The following MED27 variants were observed in gnomAD, a reference collection of about 807,000 sequenced individuals.
MED27 encodes mediator complex subunit 27.
Under a neutral mutation model 38.2 loss-of-function variants are expected in MED27, and 30 were observed. The ratio of observed to expected loss-of-function variants is 0.79; its 90% confidence interval spans 0.59 to 1.07. The LOEUF is 1.07. Ranked by LOEUF, MED27 falls within the 50% of genes least tolerant of loss-of-function variation. The probability of loss-of-function intolerance (pLI) is 0.00; values close to 1 mark genes in which losing one functional copy is unlikely to be tolerated. For missense variants in MED27, 289 were observed against 397.5 expected (o/e 0.73, Z 2.32); for synonymous variants, 122 against 153.5 (o/e 0.79, Z 1.52).
chr9:131,915,168 G>A (rs1423579591), intron 4 of MED27, among the ~76,000 whole-genome samples: 8 of 152,288 alleles, frequency 5.3e-5, no homozygotes, highest in Admixed American at 4.6e-4. Context: ...TGAGCTCCCA[G>A]ACACGTCAAT....
intron 3 of MED27, among the ~76,000 whole-genome samples, chr9:131,993,359 C>G (rs560637782): frequency 1.1e-4 from 16 of 152,058 alleles, no homozygotes; most frequent in South Asian, 2.1e-4. Context: ...CTTAGCCATA[C>G]AGCAACAGTA....
At chr9:132,034,287 G>A (rs1315275945) in intron 2 of MED27, among the ~76,000 whole-genome samples, 4 of 152,160 alleles carry the variant, frequency 2.6e-5, no homozygotes, top group African/African-American at 9.7e-5. Flanking sequence ...AGGGAGCAAA[G>A]AAAGAGGAGT....
chr9:132,050,888 T>A lies in MED27; in HGVS notation c.348+26554A>T, dbSNP rs76033308. 5.6e-3 allele frequency among the ~76,000 whole-genome samples: 846 copies of A among 152,348 alleles called. 12 individuals are homozygous for A. Among genetic ancestry groups the A allele is most frequent in the African/African-American group, 0.019 (807 of 41,578 alleles). On this transcript the variant is annotated intron_variant, in intron 2 of 7. Transcript: ENST00000292035. ...AGGGTGAGGGCTGTGAGACCTTGAC[T>A]TTTTCATTACTACATTGTCAACATC...
At chr9:131,978,910 G>A (rs1448094924) in intron 3 of MED27, among the ~76,000 whole-genome samples, 1 of 152,160 alleles carries the variant, frequency 6.6e-6, no homozygotes, top group Non-Finnish European at 1.5e-5. Flanking sequence ...CTATAATATG[G>A]CTAGATCATC....
At chr9:131,979,834 G>GCTGGCTGGCTGA (rs1554763018) in intron 3 of MED27, among the ~76,000 whole-genome samples, 3 of 151,434 alleles carry the variant, frequency 2.0e-5, no homozygotes, top group South Asian at 2.1e-4. Flanking sequence ...AAACAAGATG[G>GCTGGCTGGCTGA]CTGGCTGGCT....
intron 2 of MED27, among the ~76,000 whole-genome samples, chr9:132,037,363 C>T (rs1026242428): frequency 7.9e-5 from 12 of 152,136 alleles, no homozygotes; most frequent in African/African-American, 2.4e-4. Flanking sequence ...CAGTAATAGT[C>T]GCATATGGTG....
Position 131,889,301 on chromosome 9 carries a change from C to T in MED27, c.681+4584G>A, listed in dbSNP as rs73551417. On this transcript the variant is annotated intron_variant, in intron 5 of 7. Transcript: ENST00000292035. The surrounding 1 kb of genome is among the most constrained non-coding windows in gnomAD (Gnocchi z 4.2). The stretch of plus-strand genomic sequence containing the variant: ...CTCTCTTATGCTCGGAGGCTAAAAG[C>T]TGCCTTTTTTATTGATATGGGGTAA... Among the ~76,000 whole-genome samples the T allele has an allele frequency of 3.0e-3, 461 of 152,290 alleles. 3 individuals are homozygous for T. Among genetic ancestry groups the T allele is most frequent in the African/African-American group, 0.011 (443 of 41,564 alleles).
chr9:131,948,473 A>G (rs1259087137), intron 3 of MED27, among the ~76,000 whole-genome samples: 1 of 149,478 alleles, frequency 6.7e-6, no homozygotes, highest in Non-Finnish European at 1.5e-5. Flanking sequence ...GGTGATAGAC[A>G]CTCCGTCTCA....
chr9:131,932,951 G>A (rs1278584433), intron 4 of MED27, among the ~76,000 whole-genome samples: 3 of 152,146 alleles, frequency 2.0e-5, no homozygotes, highest in Non-Finnish European at 1.5e-5. Context: ...GGGATGTAAA[G>A]ATGGTTCAAC....
chr9:131,953,918 A>G (rs979162071), intron 3 of MED27, among the ~76,000 whole-genome samples: 1 of 151,370 alleles, frequency 6.6e-6, no homozygotes, highest in African/African-American at 2.4e-5. Flanking sequence ...CCCGGGTTCA[A>G]GTGATTCTTG....
At chr9:132,061,921 G>GA (rs1462428391) in intron 2 of MED27, among the ~76,000 whole-genome samples, 3 of 152,144 alleles carry the variant, frequency 2.0e-5, no homozygotes, top group Non-Finnish European at 4.4e-5. Context: ...TTTTAAAAAA[G>GA]AAAAAAACAA....
chr9:131,872,649 A>G lies in MED27; in HGVS notation c.724-9509T>C, dbSNP rs1838858459. 6.6e-6 allele frequency among the ~76,000 whole-genome samples: 1 copy of G among 151,232 alleles called. No homozygotes were observed. On this transcript the variant is annotated intron_variant, in intron 6 of 7. Coordinates refer to ENST00000292035, the MANE Select transcript of MED27 (RefSeq NM_004269.4). The surrounding 1 kb of genome is among the most constrained non-coding windows in gnomAD (Gnocchi z 5.6). ...CTTCCCTGCTGGCCCTCGGTAGAAGAGCGTGGGGAGGCTGGGGTGGGGCTG... is the reference window on the plus strand; with the variant it reads ...CTTCCCTGCTGGCCCTCGGTAGAAGGGCGTGGGGAGGCTGGGGTGGGGCTG...
chr9:132,067,126 T>C lies in MED27; in HGVS notation c.348+10316A>G, dbSNP rs565320414. On this transcript the variant is annotated intron_variant, in intron 2 of 7. Coordinates refer to ENST00000292035, the MANE Select transcript of MED27 (RefSeq NM_004269.4). The stretch of plus-strand genomic sequence containing the variant: ...TTATTGCACACTTAGAAATCGTTAA[T>C]ACAAATAATTACCATTTATTAAATG... Among the ~76,000 whole-genome samples, 14 of 152,358 alleles carry C rather than the reference T, an allele frequency of 9.2e-5. No individual in the cohort carries two copies. The South Asian group carries it at 2.5e-3, about 27-fold the overall frequency.
intron 1 of MED27, among the ~76,000 whole-genome samples, chr9:132,079,271 C>T (rs773516890): frequency 3.3e-5 from 5 of 152,164 alleles, no homozygotes; most frequent in Non-Finnish European, 7.3e-5. Context: ...CAGGTCCTGT[C>T]TGTACTATTA....
At chr9:132,002,354 G>C (rs141996115) in intron 3 of MED27, among the ~76,000 whole-genome samples, 1 of 152,266 alleles carries the variant, frequency 6.6e-6, no homozygotes, top group African/African-American at 2.4e-5. Context: ...TATTTTAAAC[G>C]AGTACTCTCA....
chr9:132,054,321 C>T (rs533157270), intron 2 of MED27, among the ~76,000 whole-genome samples: 3 of 152,316 alleles, frequency 2.0e-5, no homozygotes, highest in East Asian at 1.9e-4. Flanking sequence ...CTTTGCTTTC[C>T]GCCATAAGTA....
In MED27 at chr9:131,863,111, G is replaced by A. The variant is rs148428046; in HGVS notation, c.753C>T (p.Leu251=). Residue 251 remains leucine, a synonymous_variant, in exon 7 of 8, where the codon CTC becomes CTT. Transcript: ENST00000292035. ...CCGGCATCTGGGGCAGCTGATAGTGGAGCAGGGCAGTGGTGGCATGGTCTG... is the reference window on the plus strand; with the variant it reads ...CCGGCATCTGGGGCAGCTGATAGTGAAGCAGGGCAGTGGTGGCATGGTCTG... ...KVTDHATTAL[L]HYQLPQMPDV... 520 of 1,614,180 alleles carry A rather than the reference G, an allele frequency of 3.2e-4. 4 individuals are homozygous for A. The African/African-American group carries it at 6.1e-3, about 19-fold the overall frequency.
rs372179319 is a variant in MED27, at chr9:132,070,369, G to A, written c.348+7073C>T. ...CTAGGAGTTTGAAACCAGCCTGGGCGACATAGTGAGACCCCCATCTCTACA... is the reference window on the plus strand; with the variant it reads ...CTAGGAGTTTGAAACCAGCCTGGGCAACATAGTGAGACCCCCATCTCTACA... On this transcript the variant is annotated intron_variant, in intron 2 of 7. Coordinates refer to ENST00000292035, the MANE Select transcript of MED27 (RefSeq NM_004269.4). Among the ~76,000 whole-genome samples, 15 of 152,124 alleles carry A rather than the reference G, an allele frequency of 9.9e-5. No homozygotes were observed. The East Asian group carries it at 1.3e-3, about 14-fold the overall frequency.
intron 2 of MED27, among the ~76,000 whole-genome samples, chr9:132,042,836 T>C (rs1372416812): frequency 6.6e-6 from 1 of 152,230 alleles, no homozygotes; most frequent in East Asian, 1.9e-4. Context: ...GATAGGTTTA[T>C]TCATTTGGAA....
Sources: allele counts gnomAD v4.1 joint callset (sites outside exome capture counted in the v4.1 genomes callset), GRCh38; gene constraint gnomAD v4.1.1; non-coding constraint Gnocchi (gnomAD v3.1); transcripts MANE v1.5; gene names NCBI Gene and HGNC (gene_info 2026-07-23, HGNC 2026-07-21).